IL22RA1: variants seen among roughly 807,000 people sequenced by gnomAD.
The protein encoded by IL22RA1 is interleukin-22 receptor subunit alpha-1.
In IL22RA1, 25 loss-of-function variants were observed where a neutral mutation model predicts 32.8. The observed-to-expected ratio is 0.76, with a 90% CI of 0.55 to 1.06. IL22RA1 has a LOEUF of 1.06. IL22RA1 is among the 50% of genes least tolerant of loss of function. The probability of loss-of-function intolerance (pLI) is 0.00; values close to 1 mark genes in which losing one functional copy is unlikely to be tolerated. For missense variants in IL22RA1, 709 were observed against 727.4 expected (o/e 0.97, Z 0.29); for synonymous variants, 305 against 305.0 (o/e 1.00, Z 0.00).
intron 1 of IL22RA1, among the ~76,000 whole-genome samples, chr1:24,142,247 G>A (rs537424848): frequency 2.6e-5 from 4 of 152,220 alleles, no homozygotes; most frequent in African/African-American, 9.6e-5. Context: ...CGTGGGCCTC[G>A]TCCTGCACTT....
At chr1:24,135,235 T>C (rs930618422) in intron 3 of IL22RA1, among the ~76,000 whole-genome samples, 3 of 152,234 alleles carry the variant, frequency 2.0e-5, no homozygotes, top group African/African-American at 7.2e-5. Flanking sequence ...ATGTTCATGA[T>C]ACCAATATAT....
At chr1:24,139,730 G>T (rs973799796) in intron 1 of IL22RA1, among the ~76,000 whole-genome samples, 1 of 152,160 alleles carries the variant, frequency 6.6e-6, no homozygotes, top group Non-Finnish European at 1.5e-5. Context: ...TAGTGATGGG[G>T]TCTCATATAT....
At chr1:24,132,259 A>G (rs1325049702) in intron 4 of IL22RA1, among the ~76,000 whole-genome samples, 1 of 152,052 alleles carries the variant, frequency 6.6e-6, no homozygotes, top group Non-Finnish European at 1.5e-5. Context: ...AGGGGACCCA[A>G]GAATCTGCAT....
chr1:24,137,732 G>C (rs895486361), intron 2 of IL22RA1, among the ~76,000 whole-genome samples: 2 of 151,964 alleles, frequency 1.3e-5, no homozygotes, highest in Non-Finnish European at 2.9e-5. Flanking sequence ...GGTCAGGCTG[G>C]TCTCGAACTC....
At chr1:24,140,050 A>ATAGTT (rs1644269816) in intron 1 of IL22RA1, among the ~76,000 whole-genome samples, 3 of 152,250 alleles carry the variant, frequency 2.0e-5, no homozygotes, top group Non-Finnish European at 4.4e-5. Flanking sequence ...TAAAATGGAT[A>ATAGTT]TAGTTTGATT....
In IL22RA1 at chr1:24,132,557, C is replaced by T. The variant is rs565802341; in HGVS notation, c.531+1654G>A. ...CCGTGTTAGCCAGGATGGTCTGCAT[C>T]TCCTGACCTCGTGATCCGCCCGCCT... On this transcript the variant is annotated intron_variant, in intron 4 of 6. Transcript: ENST00000270800. Among the ~76,000 whole-genome samples, 5 of 152,024 alleles carry T rather than the reference C, an allele frequency of 3.3e-5. No homozygotes were observed. In the South Asian group the frequency reaches 1.0e-3, roughly 32 times the overall value.
intron 1 of IL22RA1, among the ~76,000 whole-genome samples, chr1:24,139,067 C>T (rs1450413543): frequency 1.3e-5 from 2 of 152,242 alleles, no homozygotes; most frequent in Non-Finnish European, 2.9e-5. Flanking sequence ...AATTCCAGAA[C>T]ATTTTTAGCA....
chr1:24,135,276 T>C (rs890026502), intron 3 of IL22RA1, among the ~76,000 whole-genome samples: 1 of 152,186 alleles, frequency 6.6e-6, no homozygotes, highest in Non-Finnish European at 1.5e-5. Context: ...AAAAAAGCAA[T>C]GCCAGATTGC....
At chr1:24,134,721 T>G (rs1473691674) in intron 3 of IL22RA1, among the ~76,000 whole-genome samples, 2 of 152,060 alleles carry the variant, frequency 1.3e-5, no homozygotes, top group African/African-American at 4.8e-5. Context: ...AGAGCACCCT[T>G]CCTCCCTCAT....
At chr1:24,124,968 C>T (rs952449199) in intron 5 of IL22RA1, among the ~76,000 whole-genome samples, 3 of 152,170 alleles carry the variant, frequency 2.0e-5, no homozygotes, top group African/African-American at 7.2e-5. Flanking sequence ...TGCCATTTCA[C>T]CCATAGGGAG....
At chr1:24,130,254 A>G (rs1283265501) in intron 4 of IL22RA1, among the ~76,000 whole-genome samples, 2 of 152,230 alleles carry the variant, frequency 1.3e-5, no homozygotes, top group Admixed American at 1.3e-4. Flanking sequence ...AAACCTAGAC[A>G]GAAACCCTTT....
In IL22RA1 at chr1:24,119,799, C is replaced by T. The variant is rs768044387; in HGVS notation, c.*1006G>A. 5 of 152,206 alleles carry T rather than the reference C, an allele frequency of 3.3e-5. No homozygotes were observed. The highest frequency in any genetic ancestry group is 7.3e-5 in the Non-Finnish European group (5 of 68,072). 9.4% of individuals were successfully genotyped at this position (152,206 alleles called of 1,614,324 possible). Reference sequence around the variant, plus strand: ...TAGCTACCGTTTATTGGGCACTGCCCATGTACCAGGCACTATTAAGCACTT... The same window carrying T: ...TAGCTACCGTTTATTGGGCACTGCCTATGTACCAGGCACTATTAAGCACTT... On this transcript the variant is annotated 3_prime_UTR_variant, in exon 7 of 7. Transcript: ENST00000270800.
At chr1:24,121,933 A>G (rs1470702199) in intron 6 of IL22RA1, among the ~76,000 whole-genome samples, 196 bp from the exon 7 acceptor site, 1 of 152,102 alleles carries the variant, frequency 6.6e-6, no homozygotes, top group South Asian at 2.1e-4. Flanking sequence ...AGGGTCTCTC[A>G]GCTCTTTGGT....
chr1:24,143,016 A>G, intron 1 of IL22RA1, 24 bp downstream of exon 1: 1 of 1,610,712 alleles, frequency 6.2e-7, no homozygotes, highest in Non-Finnish European at 8.5e-7. Flanking sequence ...GGGAGGTCTG[A>G]CCACAGGGTA....
Position 24,121,034 on chromosome 1 carries a change from A to G in IL22RA1, c.1496T>C (p.Leu499Pro), listed in dbSNP as rs1333270812. 1 of 1,614,090 alleles carries G rather than the reference A, an allele frequency of 6.2e-7. No individual in the cohort carries two copies. Among genetic ancestry groups the G allele is most frequent in the Admixed American group, 1.7e-5 (1 of 60,012 alleles). ...PQYLKGQLPLLSSVQIEGHPM... is the reference protein window; with the variant it reads ...PQYLKGQLPLPSSVQIEGHPM... ...GTGGCCCTCGATCTGGACTGAGGAGAGGAGGGGGAGCTGGCCCTTTAGGTA... is the reference window on the plus strand; with the variant it reads ...GTGGCCCTCGATCTGGACTGAGGAGGGGAGGGGGAGCTGGCCCTTTAGGTA... Residue 499 changes from leucine to proline, a missense_variant, in exon 7 of 7, where the codon CTC becomes CCC. Physicochemically the swap from Leu to Pro is moderately conservative, Grantham distance 98. Coordinates refer to ENST00000270800, the MANE Select transcript of IL22RA1 (RefSeq NM_021258.4).
In IL22RA1 at chr1:24,120,457, A is replaced by G. The variant is rs930155357; in HGVS notation, c.*348T>C. On this transcript the variant is annotated 3_prime_UTR_variant, in exon 7 of 7. Transcript: ENST00000270800. Reference sequence around the variant, plus strand: ...GGGGCAAGGAGAGGCAAATTCCCTGAGCACTTTGAATCCATGGTGTTAGGA... The same window carrying G: ...GGGGCAAGGAGAGGCAAATTCCCTGGGCACTTTGAATCCATGGTGTTAGGA... 4.1e-5 allele frequency: 9 copies of G among 217,548 alleles called. No homozygotes were observed. The highest frequency in any genetic ancestry group is 1.8e-4 in the African/African-American group (8 of 43,914). The allele number at this position is 217,548 out of a possible 1,614,324, so 13.5% of individuals were successfully genotyped here.
At chr1:24,133,259 C>T (rs1319637479) in intron 4 of IL22RA1, among the ~76,000 whole-genome samples, 1 of 151,846 alleles carries the variant, frequency 6.6e-6, no homozygotes, top group Admixed American at 6.6e-5. Flanking sequence ...CATATTATGT[C>T]ATTTTTGGCT....
chr1:24,134,867 A>G, intron 3 of IL22RA1: 1 of 983,038 alleles, frequency 1.0e-6, no homozygotes, highest in East Asian at 1.1e-4. Context: ...GGAATTTTCC[A>G]AATAACCAAA....
At chr1:24,142,862 C>T (rs1644291131) in intron 1 of IL22RA1, among the ~76,000 whole-genome samples, 178 bp downstream of exon 1, 1 of 152,202 alleles carries the variant, frequency 6.6e-6, no homozygotes, top group Non-Finnish European at 1.5e-5. Flanking sequence ...CCTCTCATGC[C>T]CCCAGCAAAC....
Sources: gnomAD v4.1 joint callset for allele counts (sites outside exome capture counted in the v4.1 genomes callset) on GRCh38, gnomAD v4.1.1 for gene constraint, MANE v1.5 for transcripts, NCBI Gene and HGNC (gene_info 2026-07-23, HGNC 2026-07-21) for gene names.